NFRKB: variants seen among roughly 807,000 people sequenced by gnomAD.
The protein encoded by NFRKB is nuclear factor related to kappaB binding protein, also known as nuclear factor related to kappa-B-binding protein.
In NFRKB, 62 loss-of-function variants were observed where a neutral mutation model predicts 135.7. The ratio of observed to expected loss-of-function variants is 0.46; its 90% CI spans 0.37 to 0.56. The LOEUF (loss-of-function observed/expected upper bound fraction) is 0.56. Ranked by LOEUF, NFRKB falls within the 20% of genes least tolerant of loss-of-function variation. The pLI, the probability that NFRKB is intolerant of heterozygous loss-of-function variation, is 0.00. For missense variants in NFRKB, 1,545 were observed against 1,662.0 expected (o/e 0.93, Z 1.22); for synonymous variants, 678 against 635.6 (o/e 1.07, Z -1.00).
intron 22 of NFRKB, 59 bp from the exon 23 acceptor site, chr11:129,873,155 T>C: frequency 4.9e-6 from 7 of 1,423,576 alleles, no homozygotes; most frequent in Non-Finnish European, 6.6e-6. Flanking sequence ...ACCAGCACTC[T>C]AAGCAAGAGT....
At chr11:129,881,155 C>T (rs554561785) in intron 13 of NFRKB, among the ~76,000 whole-genome samples, 10 of 152,224 alleles carry the variant, frequency 6.6e-5, no homozygotes, top group South Asian at 2.1e-4. Flanking sequence ...ATATAAATGT[C>T]GATGCTCTTG....
chr11:129,888,254 A>G, intron 4 of NFRKB: 1 of 586,760 alleles, frequency 1.7e-6, no homozygotes, highest in East Asian at 2.8e-5. Flanking sequence ...TGATACGTGC[A>G]ATAAAGCAAA....
At position 129,883,159 on chromosome 11, in the gene NFRKB, C is replaced by T. The variant is rs1243530008; in HGVS notation, c.864G>A (p.Met288Ile). Residue 288 changes from methionine (M) to isoleucine (I), a missense_variant, in exon 9 of 27, where the codon ATG becomes ATA. Met to Ile is a conservative substitution (Grantham distance 10). Around this residue, in one of 3 missense-constraint regions of NFRKB, gnomAD observed 678 missense variants for 646.7 expected, o/e 1.05. Transcript: ENST00000682444. ...CCTTCCTGCCAGCATTTACTCGAGT[C>T]ATGATGTCATTGAGAGTCAGGTCCC... Reference protein sequence around the residue: ...LTGDLTLNDIMTRVNAGRKGS... With the variant: ...LTGDLTLNDIITRVNAGRKGS... 6.2e-7 allele frequency: 1 copy of T among 1,613,970 alleles called. No individual in the cohort carries two copies. The highest frequency in any genetic ancestry group is 1.3e-5 in the African/African-American group (1 of 74,892).
At chr11:129,890,319 T>C (rs1384136922) in intron 3 of NFRKB, among the ~76,000 whole-genome samples, 17 of 152,174 alleles carry the variant, frequency 1.1e-4, no homozygotes. Context: ...ATTTTATTCC[T>C]AGCATCTAAC....
At chr11:129,893,356 C>G (rs1238041362) in intron 2 of NFRKB, 2 of 421,006 alleles carry the variant, frequency 4.8e-6, no homozygotes, top group South Asian at 3.3e-5. Context: ...AGTTTGAGAC[C>G]AGCCTAGCGA....
Position 129,884,092 on chromosome 11 carries a change from T to C in NFRKB, c.794A>G (p.His265Arg). 6.2e-7 allele frequency: 1 copy of C among 1,614,242 alleles called. No homozygotes were observed. The highest frequency in any genetic ancestry group is 8.5e-7 in the Non-Finnish European group (1 of 1,180,044). Reference sequence around the variant, plus strand: ...TACTGGCTGATGTTTCCGCTTCTCGTGGTGCTTCTTTAACATTATCTTCAG... The same window carrying C: ...TACTGGCTGATGTTTCCGCTTCTCGCGGTGCTTCTTTAACATTATCTTCAG... ...SDLKIMLKKH[H>R]EKRKHQPDHP... is the part of the protein sequence containing the mutation. The change falls in exon 8 of 27, where the codon CAC becomes CGC. Residue 265 changes from histidine (H) to arginine (R), a missense_variant. By Grantham distance (29) the His-to-Arg change is conservative. Transcript: ENST00000682444.
chr11:129,883,969 G>C, intron 8 of NFRKB, 101 bp downstream of exon 8: 7 of 1,195,432 alleles, frequency 5.9e-6, no homozygotes, highest in Non-Finnish European at 8.8e-6. Context: ...TGGTAGGGAG[G>C]ACATACAGAC....
At chr11:129,879,724 C>T (rs529787566) in intron 13 of NFRKB, among the ~76,000 whole-genome samples, 3 of 152,288 alleles carry the variant, frequency 2.0e-5, no homozygotes, top group South Asian at 2.1e-4. Flanking sequence ...GAGCCCTCCT[C>T]GGCCCTCTCT....
chr11:129,894,625 C>T (rs1949693810), intron 1 of NFRKB, among the ~76,000 whole-genome samples, 187 bp from the exon 2 acceptor site: 1 of 152,356 alleles, frequency 6.6e-6, no homozygotes, highest in East Asian at 1.9e-4. Context: ...ATAGCAGAAA[C>T]TTAAGCGTTG....
rs776710452 is a variant in NFRKB, at chr11:129,878,594, G to A, written c.1385-51C>T. The A allele has an allele frequency of 1.2e-5, 17 of 1,431,714 alleles. No individual in the cohort carries two copies. In the South Asian group the frequency reaches 1.8e-4, roughly 15 times the overall value. The allele number at this position is 1,431,714 out of a possible 1,614,324, so 88.7% of individuals were successfully genotyped here. On this transcript the variant is annotated intron_variant, in intron 13 of 26. Transcript: ENST00000682444. ...AAATAAGAAGGTCTAAGGTATTATT[G>A]AGAATCCTGCTTTCTCTTTACTAGC...
Position 129,869,835 on chromosome 11 carries a change from G to C in NFRKB, c.3190C>G (p.Leu1064Val). Residue 1064 changes from leucine (L) to valine (V), a missense_variant, in exon 24 of 27, where the codon CTT becomes GTT. Leu to Val is a conservative substitution (Grantham distance 32). This residue lies in a region of NFRKB where 753 missense variants were observed against 804.3 expected (regional missense o/e 0.94). Coordinates refer to ENST00000682444, the MANE Select transcript of NFRKB (RefSeq NM_001143835.2). ...SSSAFRLMPA[L>V]GVSVADQKGK... Reference sequence around the variant, plus strand: ...TTCTGGTCAGCCACACTCACGCCAAGAGCTGGCATCAAGCGAAAAGCCGAA... The same window carrying C: ...TTCTGGTCAGCCACACTCACGCCAACAGCTGGCATCAAGCGAAAAGCCGAA... 1 of 1,614,260 alleles carries C rather than the reference G, an allele frequency of 6.2e-7. No homozygotes were observed. The highest frequency in any genetic ancestry group is 8.5e-7 in the Non-Finnish European group (1 of 1,180,050).
chr11:129,884,940 GC>G, intron 6 of NFRKB, 94 bp from the exon 7 acceptor site: 1 of 1,588,702 alleles, frequency 6.3e-7, no homozygotes, highest in Admixed American at 1.7e-5. Context: ...ACAAGGCTAA[GC>G]CAACAACATG....
rs1265602152 is a variant in NFRKB at position 129,876,785 on chromosome 11, G to A, written c.1683C>T (p.Asn561=). The A allele has an allele frequency of 6.2e-7, 1 of 1,614,172 alleles. No homozygotes were observed. The highest frequency in any genetic ancestry group is 1.1e-5 in the South Asian group (1 of 91,084). ...KGVFDKETSL[N]KAREHSLLRS... ...GCAGCAGGGAGTGCTCCCGAGCCTT[G>A]TTGAGCGAGGTCTCCTTGTCAAACA... The change falls in exon 17 of 27, where the codon AAC becomes AAT. Residue 561 remains asparagine (N), a synonymous_variant. Coordinates refer to ENST00000682444, the MANE Select transcript of NFRKB (RefSeq NM_001143835.2).
intron 24 of NFRKB, among the ~76,000 whole-genome samples, chr11:129,867,547 C>A (rs1948260975): frequency 6.6e-6 from 1 of 152,102 alleles, no homozygotes; most frequent in Non-Finnish European, 1.5e-5. Context: ...GAACTCCTGA[C>A]CTCAGGTGAT....
chr11:129,865,188 G>A (rs1006122623), intron 25 of NFRKB, 87 bp from the exon 26 acceptor site: 38 of 1,485,138 alleles, frequency 2.6e-5, no homozygotes, highest in Non-Finnish European at 3.4e-5. Flanking sequence ...AGGACAACAG[G>A]GAGGTCTGTG....
chr11:129,892,621 C>T, intron 3 of NFRKB, 94 bp downstream of exon 3: 3 of 1,357,862 alleles, frequency 2.2e-6, no homozygotes, highest in Non-Finnish European at 3.1e-6. Flanking sequence ...AAAGGGAGCA[C>T]AAAAGACTGG....
chr11:129,874,017 T>G lies in NFRKB; in HGVS notation c.2280-2A>C. 1 of 1,608,060 alleles carries G rather than the reference T, an allele frequency of 6.2e-7. No homozygotes were observed. The highest frequency in any genetic ancestry group is 8.5e-7 in the Non-Finnish European group (1 of 1,175,406). On this transcript the variant is annotated splice_acceptor_variant, in intron 21 of 26. Transcript: ENST00000682444. LOFTEE classifies it high-confidence loss of function. This position sits in a 1 kb window ranked among gnomAD's most constrained non-coding sequence, Gnocchi z 4.5. ...GTTGGTGAAGACACCAGAAGAACAC[T>G]ATGAAGAACATCGGGGAAAGACAAA...
At chr11:129,893,440 G>A in intron 2 of NFRKB, 2 of 313,524 alleles carry the variant, frequency 6.4e-6, no homozygotes, top group South Asian at 5.5e-5. Flanking sequence ...CACGCCTGTA[G>A]TCCCAGCTAC....
chr11:129,866,192 A>G (rs1296068966), intron 24 of NFRKB, among the ~76,000 whole-genome samples: 1 of 152,136 alleles, frequency 6.6e-6, no homozygotes, highest in African/African-American at 2.4e-5. Flanking sequence ...CTGATCTTTT[A>G]TCATCCTCTT....
Sources: allele counts gnomAD v4.1 joint callset (sites outside exome capture counted in the v4.1 genomes callset), GRCh38; gene constraint gnomAD v4.1.1; regional missense constraint gnomAD v4.1.1; non-coding constraint Gnocchi (gnomAD v3.1); transcripts MANE v1.5; gene names NCBI Gene and HGNC (gene_info 2026-07-23, HGNC 2026-07-21).